DYNLT2B: variants seen among roughly 807,000 people sequenced by gnomAD.
DYNLT2B encodes dynein light chain Tctex-type protein 2B.
DYNLT2B carries 14 observed loss-of-function variants against 19.5 expected under a neutral mutation model. That is an observed-to-expected ratio of 0.72 (90% CI 0.47 to 1.12). DYNLT2B has a LOEUF of 1.12. DYNLT2B is among the 50% of genes most tolerant of loss of function. The pLI, the probability that DYNLT2B is intolerant of heterozygous loss-of-function variation, is 0.00. For synonymous variants in DYNLT2B, 70 were observed against 59.7 expected, an observed-to-expected ratio of 1.17 and a Z score of -0.79; for missense variants, 133 against 174.7, an observed-to-expected ratio of 0.76 and a Z score of 1.35.
intron 2 of DYNLT2B, among the ~76,000 whole-genome samples, chr3:196,314,855 CAG>C (rs1726737253): frequency 6.6e-6 from 1 of 151,814 alleles, no homozygotes. Context: ...ACAAAACAAT[CAG>C]AGAGACAAAG....
chr3:196,314,923 C>G (rs1005846359), intron 2 of DYNLT2B, among the ~76,000 whole-genome samples: 3 of 151,792 alleles, frequency 2.0e-5, no homozygotes, highest in African/African-American at 7.3e-5. Context: ...TGGTAGGGGT[C>G]GAGGGTTGAG....
intron 4 of DYNLT2B, chr3:196,292,425 G>A (rs1489408340): frequency 2.6e-5 from 4 of 152,140 alleles, no homozygotes; most frequent in East Asian, 1.9e-4. Context: ...TGTGTTCTAC[G>A]ACAGTGCTGT....
intron 1 of DYNLT2B, among the ~76,000 whole-genome samples, chr3:196,317,743 C>A (rs1023917945): frequency 6.6e-6 from 1 of 152,220 alleles, no homozygotes; most frequent in South Asian, 2.1e-4. Context: ...CTACCCATCT[C>A]CTTACTCAGG....
chr3:196,308,042 T>C lies in DYNLT2B; in HGVS notation c.248-1030A>G, dbSNP rs191873608. On this transcript the variant is annotated intron_variant, in intron 2 of 4. Transcript: ENST00000325318. ...GTTGCAGTGAGCTGAGATCGCACCA[T>C]TGCACACTAGCCTGGGTAACAAGAG... 9.9e-4 allele frequency among the ~76,000 whole-genome samples: 146 copies of C among 147,314 alleles called. 1 individual carries two copies. Among genetic ancestry groups the C allele is most frequent in the African/African-American group, 3.3e-3 (131 of 39,622 alleles).
intron 2 of DYNLT2B, among the ~76,000 whole-genome samples, chr3:196,311,242 C>T (rs1726633916): frequency 6.6e-6 from 1 of 151,780 alleles, no homozygotes; most frequent in African/African-American, 2.4e-5. Context: ...TGGCAAAACC[C>T]CGTCTCTACA....
chr3:196,295,801 T>G (rs1363038944), intron 4 of DYNLT2B, among the ~76,000 whole-genome samples: 1 of 152,214 alleles, frequency 6.6e-6, no homozygotes, highest in Non-Finnish European at 1.5e-5. Context: ...ATGTCATATG[T>G]AAACATGTAA....
In DYNLT2B at chr3:196,296,042, A is replaced by C; in HGVS notation, c.345T>G (p.Ala115=). 1 of 1,614,076 alleles carries C rather than the reference A, an allele frequency of 6.2e-7. No individual in the cohort carries two copies. Among genetic ancestry groups the C allele is most frequent in the Non-Finnish European group, 8.5e-7 (1 of 1,179,958 alleles). ...CATCATGAGTATAGTTGTCAGTGTC[A>C]GCATCCCAGAAACAGCGAGAAGCCA... ...VFMASRCFWD[A]DTDNYTHDVF... Residue 115 remains alanine, a synonymous_variant, in exon 4 of 5, where the codon GCT becomes GCG. Coordinates refer to ENST00000325318, the MANE Select transcript of DYNLT2B (RefSeq NM_152773.5).
At chr3:196,306,493 TAAC>T (rs1726492363) in intron 3 of DYNLT2B, among the ~76,000 whole-genome samples, 2 of 152,046 alleles carry the variant, frequency 1.3e-5, no homozygotes, top group East Asian at 1.9e-4. Flanking sequence ...ATCTGAATAA[TAAC>T]AGCATATTTT....
intron 2 of DYNLT2B, among the ~76,000 whole-genome samples, chr3:196,313,193 T>C (rs1379043279): frequency 1.3e-5 from 2 of 151,544 alleles, no homozygotes; most frequent in African/African-American, 4.8e-5. Flanking sequence ...TTGCCTAGTA[T>C]TAATGATTTT....
chr3:196,296,604 A>G (rs777007639), intron 3 of DYNLT2B, among the ~76,000 whole-genome samples: 6 of 152,234 alleles, frequency 3.9e-5, no homozygotes, highest in Non-Finnish European at 8.8e-5. Context: ...AGTCAAAATA[A>G]AAGCCAATTA....
rs540192864 is a variant in DYNLT2B at position 196,306,020 on chromosome 3, T to C, written c.317+923A>G. Among the ~76,000 whole-genome samples, 14 of 152,062 alleles carry C rather than the reference T, an allele frequency of 9.2e-5. 1 individual carries two copies. Among genetic ancestry groups the C allele is most frequent in the African/African-American group, 3.4e-4 (14 of 41,500 alleles). On this transcript the variant is annotated intron_variant, in intron 3 of 4. Transcript: ENST00000325318. ...CCACTGCACTCCAGCCTGGGCAAGATAGCAAGATCTTACGTCTTAAAAAAA... is the reference window on the plus strand; with the variant it reads ...CCACTGCACTCCAGCCTGGGCAAGACAGCAAGATCTTACGTCTTAAAAAAA...
At chr3:196,301,766 G>A (rs1445526048) in intron 3 of DYNLT2B, among the ~76,000 whole-genome samples, 1 of 151,324 alleles carries the variant, frequency 6.6e-6, no homozygotes, top group Non-Finnish European at 1.5e-5. Context: ...AAATAGAGTG[G>A]GGAGGGTTAA....
At chr3:196,309,221 G>T (rs1726568394) in intron 2 of DYNLT2B, among the ~76,000 whole-genome samples, 1 of 152,084 alleles carries the variant, frequency 6.6e-6, no homozygotes, top group Non-Finnish European at 1.5e-5. Flanking sequence ...TTCAAGACCA[G>T]CCTAGGCAGC....
At position 196,306,910 on chromosome 3, in the gene DYNLT2B, G is replaced by A. The variant is rs767708253; in HGVS notation, c.317+33C>T. 2.5e-6 allele frequency: 4 copies of A among 1,581,828 alleles called. No homozygotes were observed. In the Admixed American group the frequency reaches 6.7e-5, roughly 26 times the overall value. ...CAGATACCTCATAAGAAATATAGAT[G>A]ACTAAAACAAGAAGGAAAATCCAGC... On this transcript the variant is annotated intron_variant, in intron 3 of 4. Transcript: ENST00000325318.
intron 2 of DYNLT2B, among the ~76,000 whole-genome samples, chr3:196,307,817 C>T (rs1009823387): frequency 1.1e-4 from 17 of 151,732 alleles, no homozygotes; most frequent in Middle Eastern, 3.4e-3. Flanking sequence ...CGGTGGCTCA[C>T]GCCTGTAATC....
At chr3:196,303,928 C>A (rs1726418251) in intron 3 of DYNLT2B, among the ~76,000 whole-genome samples, 2 of 152,108 alleles carry the variant, frequency 1.3e-5, no homozygotes, top group African/African-American at 4.8e-5. Context: ...GAAGCCGAGG[C>A]AGGAGGACTG....
chr3:196,316,916 T>TTGTGTG (rs1560194455), intron 1 of DYNLT2B, among the ~76,000 whole-genome samples: 5 of 137,080 alleles, frequency 3.6e-5, no homozygotes, highest in African/African-American at 1.1e-4. Flanking sequence ...TGTTGTGTGG[T>TTGTGTG]GTGTGTGTGT....
chr3:196,303,421 G>C (rs945236004), intron 3 of DYNLT2B, among the ~76,000 whole-genome samples: 2 of 152,178 alleles, frequency 1.3e-5, no homozygotes, highest in Non-Finnish European at 2.9e-5. Flanking sequence ...GTTATAGAAA[G>C]AGTAAGTTTA....
At chr3:196,301,940 A>G (rs574191947) in intron 3 of DYNLT2B, among the ~76,000 whole-genome samples, 2 of 152,204 alleles carry the variant, frequency 1.3e-5, no homozygotes, top group South Asian at 4.2e-4. Context: ...CTAAAAGGCC[A>G]ATAGAAAAAT....
Sources: allele counts gnomAD v4.1 joint callset (sites outside exome capture counted in the v4.1 genomes callset), GRCh38; gene constraint gnomAD v4.1.1; transcripts MANE v1.5; gene names NCBI Gene and HGNC (gene_info 2026-07-23, HGNC 2026-07-21).